The following AKAP9 variants were observed in gnomAD, a reference collection of about 807,000 sequenced individuals.
The protein encoded by AKAP9 is A-kinase anchor protein 9.
A neutral mutation model predicts 488.5 loss-of-function variants in AKAP9; 311 were observed. That is an observed-to-expected ratio of 0.64 (90% CI 0.58 to 0.70). AKAP9 has a LOEUF of 0.70. AKAP9 is among the 30% of genes least tolerant of loss of function. AKAP9 has a pLI of 0.00. For missense variants in AKAP9, 4,215 were observed against 4,374.5 expected (o/e 0.96, Z 1.03); for synonymous variants, 1,462 against 1,483.5 (o/e 0.99, Z 0.33).
At chr7:92,063,035 A>G (rs1309517551) in intron 24 of AKAP9, among the ~76,000 whole-genome samples, 2 of 152,256 alleles carry the variant, frequency 1.3e-5, no homozygotes, top group Non-Finnish European at 2.9e-5. Flanking sequence ...TAATATCTTG[A>G]AGTGAAAGTT....
chr7:91,955,320 A>T (rs1379141721), intron 1 of AKAP9, among the ~76,000 whole-genome samples: 1 of 152,214 alleles, frequency 6.6e-6, no homozygotes, highest in Non-Finnish European at 1.5e-5. Context: ...TAAAATAAAG[A>T]CTGATGATAA....
chr7:92,031,121 C>A (rs1214039408), intron 15 of AKAP9, among the ~76,000 whole-genome samples: 1 of 151,976 alleles, frequency 6.6e-6, no homozygotes, highest in Admixed American at 6.6e-5. Flanking sequence ...TTAATAAATA[C>A]CAAGAAGAAA....
intron 1 of AKAP9, among the ~76,000 whole-genome samples, chr7:91,949,887 T>A (rs1791978010): frequency 6.6e-6 from 1 of 152,210 alleles, no homozygotes; most frequent in Non-Finnish European, 1.5e-5. Flanking sequence ...TTAAGATTCT[T>A]ATTGTGGTTT....
intron 29 of AKAP9, 62 bp downstream of exon 29, chr7:92,077,069 T>TATC (rs1812705271): frequency 2.3e-6 from 1 of 439,810 alleles, no homozygotes; most frequent in Non-Finnish European, 3.3e-6. Flanking sequence ...TATATTGCTT[T>TATC]ATTATTATTA....
Position 92,000,966 on chromosome 7 carries a change from A to T in AKAP9, c.1049A>T (p.Asp350Val), listed in dbSNP as rs375521344. The T allele has an allele frequency of 6.5e-7, 1 of 1,530,382 alleles. No individual in the cohort carries two copies. The highest frequency in any genetic ancestry group is 8.8e-7 in the Non-Finnish European group (1 of 1,137,884). 94.8% of individuals were successfully genotyped at this position (1,530,382 alleles called of 1,614,324 possible). Residue 350 changes from aspartate (D) to valine (V), a missense_variant, in exon 8 of 50, where the codon GAT becomes GTT. This residue lies in a region of AKAP9 where 2,361 missense variants were observed against 2,430.0 expected (regional missense o/e 0.97). Coordinates refer to ENST00000356239, the MANE Select transcript of AKAP9 (RefSeq NM_005751.5). ...EEEKKTLELK[D>V]KLTTADKLLG... is the part of the protein sequence containing the mutation. The stretch of plus-strand genomic sequence containing the variant: ...GAAAAGAAAACTCTTGAGCTAAAGG[A>T]TAAATTAACAACTGCTGATAAATTA...
chr7:92,043,365 C>T, intron 20 of AKAP9: 2 of 978,816 alleles, frequency 2.0e-6, no homozygotes, highest in Non-Finnish European at 2.4e-6. Context: ...GGAACTCAAA[C>T]AAGAAAGACA....
At chr7:92,052,037 G>A (rs1384987217) in intron 21 of AKAP9, among the ~76,000 whole-genome samples, 1 of 152,088 alleles carries the variant, frequency 6.6e-6, no homozygotes, top group Non-Finnish European at 1.5e-5. Context: ...AATGTCCAAA[G>A]TTAAATTAGA....
chr7:92,079,764 A>G lies in AKAP9; in HGVS notation c.7631A>G (p.Gln2544Arg). 1 of 1,614,148 alleles carries G rather than the reference A, an allele frequency of 6.2e-7. No homozygotes were observed. Among genetic ancestry groups the G allele is most frequent in the Non-Finnish European group, 8.5e-7 (1 of 1,180,006 alleles). Residue 2544 changes from glutamine to arginine, a missense_variant, in exon 31 of 50, where the codon CAG (glutamine) becomes CGG (arginine). Coordinates refer to ENST00000356239, the MANE Select transcript of AKAP9 (RefSeq NM_005751.5). ...EMLQKKIVNLQKIVEEKVAAA... is the reference protein window; with the variant it reads ...EMLQKKIVNLRKIVEEKVAAA... ...CTTCAAAAGAAGATTGTAAACCTACAGAAAATAGTTGAAGAAAAAGTGGCT... is the reference window on the plus strand; with the variant it reads ...CTTCAAAAGAAGATTGTAAACCTACGGAAAATAGTTGAAGAAAAAGTGGCT...
intron 38 of AKAP9, among the ~76,000 whole-genome samples, chr7:92,091,455 C>A (rs941002632): frequency 2.0e-5 from 3 of 151,478 alleles, no homozygotes. Flanking sequence ...GCGTGATGCT[C>A]GGTGCCTGTA....
chr7:91,977,870 C>G (rs1340436200), intron 2 of AKAP9, among the ~76,000 whole-genome samples: 1 of 152,120 alleles, frequency 6.6e-6, no homozygotes, highest in Non-Finnish European at 1.5e-5. Context: ...CCATTTAATT[C>G]TCAGTACTAC....
rs555550284 is a variant in AKAP9 at position 92,096,934 on chromosome 7, G to A, written c.9975G>A (p.Gln3325=). 1.2e-5 allele frequency: 20 copies of A among 1,614,232 alleles called. No homozygotes were observed. In the South Asian group the frequency reaches 2.2e-4, roughly 18 times the overall value. Residue 3325 remains glutamine, a synonymous_variant, in exon 41 of 50, where the codon CAG becomes CAA. Coordinates refer to ENST00000356239, the MANE Select transcript of AKAP9 (RefSeq NM_005751.5). ...TLDRERELHA[Q]LQSSDGTGQS... ...ATAGGGAGCGGGAATTGCACGCACA[G>A]CTGCAGAGCAGTGATGGTACTGGAC...
At chr7:92,091,446 C>A (rs569648238) in intron 38 of AKAP9, among the ~76,000 whole-genome samples, 1 of 151,920 alleles carries the variant, frequency 6.6e-6, no homozygotes, top group East Asian at 1.9e-4. Flanking sequence ...ATTAGCTTGG[C>A]GTGATGCTCG....
chr7:92,001,204 G>A lies in AKAP9; in HGVS notation c.1287G>A (p.Lys429=). 1 of 1,613,992 alleles carries A rather than the reference G, an allele frequency of 6.2e-7. No individual in the cohort carries two copies. The highest frequency in any genetic ancestry group is 8.5e-7 in the Non-Finnish European group (1 of 1,179,928). ...GAATGGAACAAGAAACACAAAGAAA[G>A]TTAGAACAACTCCGGGCAGAGCTGG... is the stretch of plus-strand genomic sequence containing the variant. The part of the protein sequence containing the change: ...VQRMEQETQR[K]LEQLRAELDE... The change falls in exon 8 of 50, where the codon AAG becomes AAA. Residue 429 remains lysine, a synonymous_variant. Coordinates refer to ENST00000356239, the MANE Select transcript of AKAP9 (RefSeq NM_005751.5).
chr7:92,011,067 T>G (rs1398826753), intron 8 of AKAP9, among the ~76,000 whole-genome samples: 1 of 152,186 alleles, frequency 6.6e-6, no homozygotes, highest in African/African-American at 2.4e-5. Context: ...CCGCAGTAAT[T>G]GTTTTCATTA....
intron 1 of AKAP9, among the ~76,000 whole-genome samples, chr7:91,971,359 A>G (rs528467101): frequency 1.0e-3 from 157 of 152,152 alleles, no homozygotes; most frequent in African/African-American, 3.7e-3. Flanking sequence ...AAATTTTTCT[A>G]ATACATTTCT....
chr7:92,095,621 A>G (rs1816432848), intron 40 of AKAP9, among the ~76,000 whole-genome samples: 1 of 152,148 alleles, frequency 6.6e-6, no homozygotes, highest in South Asian at 2.1e-4. Flanking sequence ...CTCTCAGCTC[A>G]AGGCAGGCTG....
rs1338488531 is a variant in AKAP9 at position 92,099,759 on chromosome 7, A to G, written c.10786A>G (p.Thr3596Ala). The change falls in exon 44 of 50, where the codon ACA (threonine) becomes GCA (alanine). Residue 3596 changes from threonine to alanine, a missense_variant. By Grantham distance (58) the Thr-to-Ala change is moderately conservative (BLOSUM62 0). Transcript: ENST00000356239. Reference protein sequence around the residue: ...ERLLRQNAELTGHISQLTEEK... With the variant: ...ERLLRQNAELAGHISQLTEEK... ...ACTACTGAGACAAAATGCTGAGCTGACAGGGCATATCAGTCAACTGACTGA... is the reference window on the plus strand; with the variant it reads ...ACTACTGAGACAAAATGCTGAGCTGGCAGGGCATATCAGTCAACTGACTGA... 6.2e-7 allele frequency: 1 copy of G among 1,614,162 alleles called. No homozygotes were observed. Among genetic ancestry groups the G allele is most frequent in the Admixed American group, 1.7e-5 (1 of 60,026 alleles).
chr7:92,010,891 A>C (rs1236085553), intron 8 of AKAP9, among the ~76,000 whole-genome samples: 2 of 152,110 alleles, frequency 1.3e-5, no homozygotes, highest in African/African-American at 4.8e-5. Flanking sequence ...AGACTCAAGC[A>C]ATACTCCTAC....
rs1288187068 is a variant in AKAP9, at chr7:92,052,852, G to A, written c.5495G>A (p.Gly1832Glu). ...SQRLVRSGFA[G>E]TEIDPENEEL... is the part of the protein sequence containing the mutation. ...CGACTTGTGAGGAGTGGTTTTGCTG[G>A]AACTGAAATAGACCCTGAAAATGAA... Residue 1832 changes from glycine (G) to glutamate (E), a missense_variant, in exon 22 of 50, where the codon GGA becomes GAA. This residue lies in a region of AKAP9 where 2,361 missense variants were observed against 2,430.0 expected (regional missense o/e 0.97). Coordinates refer to ENST00000356239, the MANE Select transcript of AKAP9 (RefSeq NM_005751.5). The A allele has an allele frequency of 4.3e-6, 7 of 1,613,766 alleles. No homozygotes were observed. Among genetic ancestry groups the A allele is most frequent in the East Asian group, 4.5e-5 (2 of 44,836 alleles).
Sources: allele counts gnomAD v4.1 joint callset (sites outside exome capture counted in the v4.1 genomes callset), GRCh38; gene constraint gnomAD v4.1.1; regional missense constraint gnomAD v4.1.1; transcripts MANE v1.5; gene names NCBI Gene and HGNC (gene_info 2026-07-23, HGNC 2026-07-21).